PACS1: variants seen among roughly 807,000 people sequenced by gnomAD.
PACS1 encodes PACS-1.
Under a neutral mutation model 115.0 loss-of-function variants are expected in PACS1, and 24 were observed. That is an observed-to-expected ratio of 0.21 (90% CI 0.15 to 0.29). The LOEUF (loss-of-function observed/expected upper bound fraction) is 0.29, where lower values mean the gene tolerates loss of function less well. Ranked by LOEUF, PACS1 falls within the 10% of genes least tolerant of loss-of-function variation. PACS1 has a pLI of 1.00. For missense variants in PACS1, 838 were observed against 1,251.2 expected, an observed-to-expected ratio of 0.67 and a Z score of 4.98; for synonymous variants, 453 against 504.5, an observed-to-expected ratio of 0.90 and a Z score of 1.37.
intron 1 of PACS1, among the ~76,000 whole-genome samples, chr11:66,136,176 T>C (rs1858839394): frequency 1.3e-5 from 2 of 152,124 alleles, no homozygotes. Context: ...CCAGCACTAA[T>C]TCACTCTCTT....
At chr11:66,136,200 G>T (rs1858840108) in intron 1 of PACS1, among the ~76,000 whole-genome samples, 1 of 151,122 alleles carries the variant, frequency 6.6e-6, no homozygotes, top group African/African-American at 2.5e-5. Flanking sequence ...AAATTGTGCT[G>T]TTGCTTTCAG....
intron 1 of PACS1, among the ~76,000 whole-genome samples, chr11:66,172,570 C>T (rs1565133371): frequency 3.3e-5 from 5 of 152,144 alleles, no homozygotes. Context: ...ATCCTGCAGC[C>T]CCCTCAAGTG....
intron 1 of PACS1, among the ~76,000 whole-genome samples, chr11:66,071,299 G>A (rs1373470309): frequency 3.9e-5 from 6 of 152,140 alleles, no homozygotes; most frequent in African/African-American, 4.8e-5. Flanking sequence ...TCACCCTAGG[G>A]GCTTCTCATT....
At chr11:66,121,075 T>C (rs1301305992) in intron 1 of PACS1, 1 of 456,264 alleles carries the variant, frequency 2.2e-6, no homozygotes, top group Non-Finnish European at 4.4e-6. Context: ...TGAGTAAGTC[T>C]GTCGGCACTG....
chr11:66,146,888 T>C (rs1052678106), intron 1 of PACS1, among the ~76,000 whole-genome samples: 23 of 152,212 alleles, frequency 1.5e-4, no homozygotes, highest in African/African-American at 5.3e-4. Context: ...AACCCCCGTC[T>C]CTACTAAAAA....
intron 4 of PACS1, among the ~76,000 whole-genome samples, chr11:66,215,665 G>A (rs1008675772): frequency 6.6e-6 from 1 of 151,952 alleles, no homozygotes; most frequent in African/African-American, 2.4e-5. Flanking sequence ...TTGGGAGGCC[G>A]AGGCGGGCAG....
At chr11:66,221,642 CAAA>C (rs34313657) in intron 10 of PACS1, 6 of 101,646 alleles carry the variant, frequency 5.9e-5, no homozygotes, top group South Asian at 3.1e-4. Context: ...GAGATTCCCT[CAAA>C]AAAAAAAAAA....
At chr11:66,149,090 C>CTTTTT (rs10717909) in intron 1 of PACS1, among the ~76,000 whole-genome samples, 1 of 98,134 alleles carries the variant, frequency 1.0e-5, no homozygotes, top group South Asian at 3.1e-4. Flanking sequence ...TGCACACGCA[C>CTTTTT]TTTTTTTTTT....
chr11:66,118,974 T>G (rs968760838), intron 1 of PACS1, among the ~76,000 whole-genome samples: 4 of 152,090 alleles, frequency 2.6e-5, no homozygotes, highest in Non-Finnish European at 5.9e-5. Flanking sequence ...TTATAGTAAG[T>G]GCTAAGATAA....
chr11:66,078,411 A>G (rs1857429771), intron 1 of PACS1, among the ~76,000 whole-genome samples: 2 of 152,178 alleles, frequency 1.3e-5, no homozygotes, highest in Non-Finnish European at 2.9e-5. Context: ...TCTTTTGGAC[A>G]CATTAGTGGT....
chr11:66,185,967 C>T (rs1000500477), intron 1 of PACS1, among the ~76,000 whole-genome samples: 18 of 151,972 alleles, frequency 1.2e-4, no homozygotes, highest in African/African-American at 4.1e-4. Context: ...TTCTTTCTCA[C>T]GTAAAAATGA....
At chr11:66,174,837 A>G (rs1344570333) in intron 1 of PACS1, among the ~76,000 whole-genome samples, 2 of 152,154 alleles carry the variant, frequency 1.3e-5, no homozygotes, top group East Asian at 1.9e-4. Context: ...ATTGAAGAGC[A>G]TTGAATTGTA....
At chr11:66,206,792 A>G (rs1429348837) in intron 2 of PACS1, among the ~76,000 whole-genome samples, 2 of 152,226 alleles carry the variant, frequency 1.3e-5, no homozygotes, top group African/African-American at 2.4e-5. Flanking sequence ...GGTGAGGGCC[A>G]TGCAGGTATC....
At position 66,188,962 on chromosome 11, in the gene PACS1, A is replaced by G. The variant is rs538121193; in HGVS notation, c.357-4524A>G. Among the ~76,000 whole-genome samples the G allele has an allele frequency of 6.6e-5, 10 of 152,314 alleles. No individual in the cohort carries two copies. In the South Asian group the frequency reaches 1.7e-3, roughly 25 times the overall value. ...AACTTCAATTGGTCTCTGGACTGTG[A>G]TAGGCCTAAGTGTGCATCATGTCTT... On this transcript the variant is annotated intron_variant, in intron 1 of 23. Transcript: ENST00000320580.
chr11:66,099,477 G>A (rs185758121), intron 1 of PACS1, among the ~76,000 whole-genome samples: 131 of 152,172 alleles, frequency 8.6e-4, no homozygotes, highest in African/African-American at 3.0e-3. Context: ...ACCCTCCTCG[G>A]CCTCCCAAAG....
chr11:66,227,924 G>T (rs910520116), intron 11 of PACS1, among the ~76,000 whole-genome samples: 2 of 152,102 alleles, frequency 1.3e-5, no homozygotes, highest in Non-Finnish European at 2.9e-5. Context: ...TGCTGTTTCC[G>T]TGGCCAGGCA....
intron 1 of PACS1, among the ~76,000 whole-genome samples, chr11:66,090,032 C>G (rs966391641): frequency 3.1e-5 from 4 of 129,564 alleles, no homozygotes; most frequent in African/African-American, 1.1e-4. Context: ...AAAAGAAATG[C>G]CATTGGTATA....
chr11:66,227,890 A>G (rs1162348828), intron 11 of PACS1, among the ~76,000 whole-genome samples: 1 of 152,100 alleles, frequency 6.6e-6, no homozygotes, highest in African/African-American at 2.4e-5. Flanking sequence ...CTCCCTGGAA[A>G]ATCATCCCTT....
chr11:66,127,104 A>C (rs937930381), intron 1 of PACS1, among the ~76,000 whole-genome samples: 1 of 152,172 alleles, frequency 6.6e-6, no homozygotes, highest in Non-Finnish European at 1.5e-5. Flanking sequence ...GTAATTATTT[A>C]GCTGTCAAGC....
Sources: allele counts gnomAD v4.1 joint callset (sites outside exome capture counted in the v4.1 genomes callset), GRCh38; gene constraint gnomAD v4.1.1; transcripts MANE v1.5; gene names NCBI Gene and HGNC (gene_info 2026-07-23, HGNC 2026-07-21).